Variants in DCDC2C observed in about 807,000 individuals in gnomAD.
The protein encoded by DCDC2C is doublecortin domain-containing protein 2C.
A neutral mutation model predicts 45.0 loss-of-function variants in DCDC2C; 44 were observed. The ratio of observed to expected loss-of-function variants is 0.98; its 90% CI spans 0.77 to 1.26. The LOEUF (loss-of-function observed/expected upper bound fraction) is 1.26, where lower values mean the gene tolerates loss of function less well. DCDC2C is among the 50% of genes most tolerant of loss of function. The probability of loss-of-function intolerance (pLI) is 0.00; values close to 1 mark genes in which losing one functional copy is unlikely to be tolerated. For synonymous variants in DCDC2C, 187 were observed against 178.8 expected (o/e 1.05, Z -0.37); for missense variants, 447 against 468.9 (o/e 0.95, Z 0.43).
chr2:3,778,655 T>C (rs1365279315), intron 8 of DCDC2C, among the ~76,000 whole-genome samples, 161 bp from the exon 9 acceptor site: 3 of 152,220 alleles, frequency 2.0e-5, no homozygotes, highest in Non-Finnish European at 4.4e-5. Context: ...AACACAAAAA[T>C]GCAGAGTGGA....
At chr2:3,824,737 C>T (rs1429262428) in intron 10 of DCDC2C, among the ~76,000 whole-genome samples, 3 of 152,092 alleles carry the variant, frequency 2.0e-5, no homozygotes, top group African/African-American at 7.2e-5. Context: ...CGTGCTCTTG[C>T]CCCTTCCCTA....
chr2:3,727,674 G>T (rs1344966986), intron 3 of DCDC2C, among the ~76,000 whole-genome samples: 1 of 152,230 alleles, frequency 6.6e-6, no homozygotes, highest in African/African-American at 2.4e-5. Context: ...AGCACTGTGT[G>T]CATCCACCTG....
intron 8 of DCDC2C, among the ~76,000 whole-genome samples, chr2:3,774,845 C>T (rs892069278): frequency 6.6e-6 from 1 of 151,896 alleles, no homozygotes; most frequent in African/African-American, 2.4e-5. Context: ...CAGCTCACTG[C>T]AACCTCTGCC....
Position 3,734,014 on chromosome 2 carries a change from C to T in DCDC2C, c.416+6935C>T, listed in dbSNP as rs991922512. On this transcript the variant is annotated intron_variant, in intron 3 of 10. Transcript: ENST00000399143. The surrounding 1 kb of genome is among the most constrained non-coding windows in gnomAD (Gnocchi z 4.2). ...CAAGTGTCATCTGATTTCTTTATGC[C>T]GTATCCCTCAGTTTTAATAAGAGCA... is the stretch of plus-strand genomic sequence containing the variant. Among the ~76,000 whole-genome samples the T allele has an allele frequency of 3.3e-5, 5 of 152,130 alleles. No individual in the cohort carries two copies. The highest frequency in any genetic ancestry group is 1.2e-4 in the African/African-American group (5 of 41,410).
chr2:3,712,705 G>A (rs933432281), intron 2 of DCDC2C, among the ~76,000 whole-genome samples: 3 of 152,102 alleles, frequency 2.0e-5, no homozygotes, highest in African/African-American at 7.2e-5. Flanking sequence ...GCTTTGGTGA[G>A]ATGCCAAGTG....
chr2:3,804,776 G>A (rs949659541), intron 10 of DCDC2C, among the ~76,000 whole-genome samples: 3 of 152,182 alleles, frequency 2.0e-5, no homozygotes, highest in African/African-American at 7.2e-5. Flanking sequence ...TCGTAACAAA[G>A]GAAGTCTTTA....
intron 10 of DCDC2C, among the ~76,000 whole-genome samples, chr2:3,829,614 C>T (rs1671906450): frequency 6.6e-6 from 1 of 152,166 alleles, no homozygotes. Flanking sequence ...ACAGCCTGCT[C>T]CAAGCAAAAT....
At chr2:3,715,351 C>A (rs1668321610) in intron 2 of DCDC2C, among the ~76,000 whole-genome samples, 1 of 152,108 alleles carries the variant, frequency 6.6e-6, no homozygotes, top group Non-Finnish European at 1.5e-5. Flanking sequence ...AATCTGTGCC[C>A]ATTGTGAGAC....
intron 3 of DCDC2C, among the ~76,000 whole-genome samples, chr2:3,733,271 T>C (rs1668924794): frequency 6.6e-6 from 1 of 152,232 alleles, no homozygotes; most frequent in East Asian, 1.9e-4. Flanking sequence ...GGTATGTTTC[T>C]GGCAGATGAA....
intron 6 of DCDC2C, among the ~76,000 whole-genome samples, chr2:3,767,229 G>C (rs973781317): frequency 6.6e-6 from 1 of 152,216 alleles, no homozygotes; most frequent in Non-Finnish European, 1.5e-5. Flanking sequence ...GTTGTGCTTT[G>C]TTGTTATTGT....
intron 9 of DCDC2C, 44 bp from the exon 10 acceptor site, chr2:3,785,015 C>T: frequency 8.2e-7 from 1 of 1,212,444 alleles, no homozygotes; most frequent in Non-Finnish European, 1.0e-6. Flanking sequence ...TTTACAACAT[C>T]CTTCTTGCGA....
At chr2:3,713,856 G>C (rs561553932) in intron 2 of DCDC2C, among the ~76,000 whole-genome samples, 1 of 152,310 alleles carries the variant, frequency 6.6e-6, no homozygotes, top group South Asian at 2.1e-4. Flanking sequence ...TCAATAAGTA[G>C]TTAGTGCTAT....
intron 8 of DCDC2C, among the ~76,000 whole-genome samples, chr2:3,771,697 T>C (rs1670174910): frequency 1.3e-5 from 2 of 152,230 alleles, no homozygotes; most frequent in South Asian, 2.1e-4. Context: ...CCTCTGTTCC[T>C]GGGACAGTCA....
At chr2:3,759,113 A>G (rs1294787787) in intron 6 of DCDC2C, among the ~76,000 whole-genome samples, 1 of 152,216 alleles carries the variant, frequency 6.6e-6, no homozygotes, top group Non-Finnish European at 1.5e-5. Context: ...TCAGGTACCA[A>G]CGGCTCAGGG....
At chr2:3,841,309 G>A (rs969289780) in intron 10 of DCDC2C, among the ~76,000 whole-genome samples, 7 of 147,670 alleles carry the variant, frequency 4.7e-5, no homozygotes, top group South Asian at 2.2e-4. Context: ...GGAACGTCTC[G>A]TAGATGATTG....
intron 4 of DCDC2C, chr2:3,752,556 A>G (rs1490779700): frequency 1.5e-6 from 1 of 671,110 alleles, no homozygotes; most frequent in East Asian, 3.0e-5. Flanking sequence ...TTTAATTAAA[A>G]AATCTAAAAG....
chr2:3,844,667 A>G (rs1672284758), intron 10 of DCDC2C: 2 of 152,386 alleles, frequency 1.3e-5, no homozygotes, highest in Non-Finnish European at 2.9e-5. Context: ...TATTAAAATC[A>G]TGAATTTCAT....
intron 6 of DCDC2C, among the ~76,000 whole-genome samples, chr2:3,766,722 A>G (rs1248532763): frequency 6.6e-6 from 1 of 152,202 alleles, no homozygotes; most frequent in Non-Finnish European, 1.5e-5. Flanking sequence ...CTCGAGAGAA[A>G]TACCTATTTA....
chr2:3,707,315 A>C (rs1451527937), intron 1 of DCDC2C, among the ~76,000 whole-genome samples: 1 of 152,164 alleles, frequency 6.6e-6, no homozygotes, highest in Non-Finnish European at 1.5e-5. Flanking sequence ...GGTTCCATGT[A>C]ATGAAAATCA....
Sources: gnomAD v4.1 joint callset for allele counts (sites outside exome capture counted in the v4.1 genomes callset) on GRCh38, gnomAD v4.1.1 for gene constraint, Gnocchi (gnomAD v3.1) non-coding constraint, MANE v1.5 for transcripts, NCBI Gene and HGNC (gene_info 2026-07-23, HGNC 2026-07-21) for gene names.